The following CLDN18 variants were observed in gnomAD, a reference collection of about 807,000 sequenced individuals.
CLDN18 encodes the protein claudin-18.
A neutral mutation model predicts 25.0 loss-of-function variants in CLDN18; 20 were observed. That is an observed-to-expected ratio of 0.80 (90% confidence interval 0.56 to 1.16). The LOEUF is 1.16. Among genes scored for constraint, CLDN18 ranks in the 50% most tolerant of loss-of-function variants. The probability of loss-of-function intolerance (pLI) is 0.00; values close to 1 mark genes in which losing one functional copy is unlikely to be tolerated. For missense variants in CLDN18, 297 were observed against 345.4 expected, an observed-to-expected ratio of 0.86 and a Z score of 1.11; for synonymous variants, 125 against 135.6, an observed-to-expected ratio of 0.92 and a Z score of 0.54.
chr3:138,016,620 A>G (rs554196694), intron 1 of CLDN18, among the ~76,000 whole-genome samples: 1 of 152,300 alleles, frequency 6.6e-6, no homozygotes, highest in African/African-American at 2.4e-5. Flanking sequence ...AGTGTTTGCA[A>G]ACATTTGGGC....
intron 1 of CLDN18, among the ~76,000 whole-genome samples, chr3:138,019,473 C>G (rs1692365159): frequency 6.6e-6 from 1 of 152,172 alleles, no homozygotes; most frequent in Non-Finnish European, 1.5e-5. Context: ...GCCTACTCCA[C>G]CAGGGCCCCA....
chr3:138,014,257 G>C (rs1179961543), intron 1 of CLDN18, among the ~76,000 whole-genome samples: 1 of 152,162 alleles, frequency 6.6e-6, no homozygotes, highest in African/African-American at 2.4e-5. Context: ...CTCTGAGAAG[G>C]ATTTTAGGGA....
At chr3:138,017,667 C>T (rs559592910) in intron 1 of CLDN18, among the ~76,000 whole-genome samples, 2 of 152,302 alleles carry the variant, frequency 1.3e-5, no homozygotes, top group African/African-American at 4.8e-5. Context: ...GTAGAGGAAA[C>T]CAGCCCTAGA....
At chr3:138,026,236 A>G (rs989727749) in intron 3 of CLDN18, among the ~76,000 whole-genome samples, 1 of 152,192 alleles carries the variant, frequency 6.6e-6, no homozygotes, top group Non-Finnish European at 1.5e-5. Context: ...ACAGTGGCAG[A>G]GCCTAAGCCC....
At chr3:138,023,850 T>C in intron 2 of CLDN18, 28 bp downstream of exon 2, 1 of 1,589,042 alleles carries the variant, frequency 6.3e-7, no homozygotes, top group Non-Finnish European at 8.6e-7. Flanking sequence ...AGTTCCCACT[T>C]CTGCGAATGT....
At chr3:138,023,219 C>T (rs1241167310) in intron 1 of CLDN18, among the ~76,000 whole-genome samples, 8 of 152,284 alleles carry the variant, frequency 5.3e-5, no homozygotes, top group East Asian at 1.9e-4. Context: ...AAACTTTTAG[C>T]GCATATGGAA....
At chr3:138,030,460 G>A (rs1487607724) in intron 4 of CLDN18, among the ~76,000 whole-genome samples, 3 of 152,234 alleles carry the variant, frequency 2.0e-5, no homozygotes, top group Non-Finnish European at 4.4e-5. Context: ...CCAGCCCTGT[G>A]ACCTCCAGCA....
chr3:138,008,115 A>G (rs1009622282), upstream of CLDN18, among the ~76,000 whole-genome samples: 1 of 151,778 alleles, frequency 6.6e-6, no homozygotes, highest in East Asian at 1.9e-4. Flanking sequence ...CAGTGGGAGC[A>G]GAGGCTGGGT....
Position 138,010,312 on chromosome 3 carries a change from G to A in CLDN18, c.87G>A (p.Met29Ile). Residue 29 changes from methionine (M) to isoleucine (I), a missense_variant, in exon 1 of 5, where the codon ATG (methionine) becomes ATA (isoleucine). Met to Ile is a conservative substitution (Grantham distance 10). Transcript: ENST00000183605. ...AGCIAATGMD[M>I]WSTQDLYDNP... ...GCATCGCGGCCACCGGGATGGACATGTGGAGCACCCAGGACCTGTACGACA... is the reference window on the plus strand; with the variant it reads ...GCATCGCGGCCACCGGGATGGACATATGGAGCACCCAGGACCTGTACGACA... 6.2e-7 allele frequency: 1 copy of A among 1,614,228 alleles called. No homozygotes were observed. The highest frequency in any genetic ancestry group is 8.5e-7 in the Non-Finnish European group (1 of 1,180,050).
intron 3 of CLDN18, among the ~76,000 whole-genome samples, chr3:138,027,339 A>G (rs570439045): frequency 3.3e-5 from 5 of 152,348 alleles, no homozygotes; most frequent in African/African-American, 1.2e-4. Context: ...ATGTTCTTCT[A>G]TCTAGCTCAC....
Position 138,031,181 on chromosome 3 carries a change from G to A in CLDN18, c.*40G>A. 6.6e-7 allele frequency: 1 copy of A among 1,510,848 alleles called. No individual in the cohort carries two copies. Among genetic ancestry groups the A allele is most frequent in the South Asian group, 1.3e-5 (1 of 75,676 alleles). The allele number at this position is 1,510,848 out of a possible 1,614,324, so 93.6% of individuals were successfully genotyped here. On this transcript the variant is annotated 3_prime_UTR_variant, in exon 5 of 5. Transcript: ENST00000183605. ...TCAGCACGGGCGGAAGAAACTCCCG[G>A]AGAGCTCACCCAAAAAACAAGGAGA...
intron 4 of CLDN18, 45 bp downstream of exon 4, chr3:138,029,952 G>C: frequency 8.1e-7 from 1 of 1,238,070 alleles, no homozygotes; most frequent in Non-Finnish European, 1.2e-6. Flanking sequence ...TATTTGTTCA[G>C]GGTCTATTTT....
chr3:138,031,247 A>G lies in CLDN18; in HGVS notation c.*106A>G, dbSNP rs1163228396. ...TTCTTGCTTTTGACTCACAGCTGGA[A>G]GTTAGAAAAGCCTCGATTTCATCTT... On this transcript the variant is annotated 3_prime_UTR_variant, in exon 5 of 5. Coordinates refer to ENST00000183605, the MANE Select transcript of CLDN18 (RefSeq NM_016369.4). The G allele has an allele frequency of 2.9e-6, 3 of 1,050,264 alleles. No homozygotes were observed. Among genetic ancestry groups the G allele is most frequent in the Non-Finnish European group, 4.0e-6 (3 of 742,418 alleles). 65.1% of individuals were successfully genotyped at this position (1,050,264 alleles called of 1,614,324 possible).
upstream of CLDN18, among the ~76,000 whole-genome samples, chr3:138,009,183 G>A (rs1942101038): frequency 6.6e-6 from 1 of 152,180 alleles, no homozygotes; most frequent in African/African-American, 2.4e-5. Flanking sequence ...ACATGTTGTG[G>A]ATGAAGAACC....
At chr3:138,020,498 ACTCT>A (rs995192545) in intron 1 of CLDN18, among the ~76,000 whole-genome samples, 13 of 152,076 alleles carry the variant, frequency 8.5e-5, no homozygotes, top group African/African-American at 2.7e-4. Flanking sequence ...ACATTATCTA[ACTCT>A]CCTTTTTCAA....
chr3:138,011,182 C>T (rs530812576), intron 1 of CLDN18, among the ~76,000 whole-genome samples: 1 of 152,198 alleles, frequency 6.6e-6, no homozygotes, highest in South Asian at 2.1e-4. Context: ...TATGGGAGCT[C>T]TATTTGTATT....
At chr3:138,016,224 G>A (rs1055521773) in intron 1 of CLDN18, among the ~76,000 whole-genome samples, 4 of 152,186 alleles carry the variant, frequency 2.6e-5, no homozygotes, top group Non-Finnish European at 5.9e-5. Flanking sequence ...ATAGAAGATG[G>A]CAGAAACAGG....
chr3:138,030,016 T>A (rs1942369984), intron 4 of CLDN18, 109 bp downstream of exon 4: 3 of 700,282 alleles, frequency 4.3e-6, no homozygotes, highest in Admixed American at 2.4e-5. Flanking sequence ...GGATGAACTT[T>A]ATTTGACTTA....
intron 1 of CLDN18, among the ~76,000 whole-genome samples, chr3:138,011,003 A>G (rs552608345): frequency 6.6e-6 from 1 of 152,310 alleles, no homozygotes; most frequent in Admixed American, 6.5e-5. Context: ...CTAAAAATCA[A>G]TGTATATCAA....
Sources: allele counts gnomAD v4.1 joint callset (sites outside exome capture counted in the v4.1 genomes callset), GRCh38; gene constraint gnomAD v4.1.1; transcripts MANE v1.5; gene names NCBI Gene and HGNC (gene_info 2026-07-23, HGNC 2026-07-21).